The following COL11A1 variants were observed in gnomAD, a reference collection of about 807,000 sequenced individuals.
COL11A1 encodes collagen type XI alpha 1 chain, also known as collagen alpha-1(XI) chain.
In COL11A1, 74 loss-of-function variants were observed where a neutral mutation model predicts 265.2. That is an observed-to-expected ratio of 0.28 (90% CI 0.23 to 0.34). COL11A1 has a LOEUF of 0.34. Among genes scored for constraint, COL11A1 ranks in the 10% least tolerant of loss-of-function variants. COL11A1 has a pLI of 1.00. For synonymous variants in COL11A1, 816 were observed against 727.6 expected, an observed-to-expected ratio of 1.12 and a Z score of -1.96; for missense variants, 2,165 against 2,263.6, an observed-to-expected ratio of 0.96 and a Z score of 0.88.
chr1:102,977,253 G>T (rs1662581275), intron 35 of COL11A1, among the ~76,000 whole-genome samples: 1 of 152,118 alleles, frequency 6.6e-6, no homozygotes, highest in Non-Finnish European at 1.5e-5. Flanking sequence ...GGCAGAAAAT[G>T]AAGGCATACT....
intron 4 of COL11A1, among the ~76,000 whole-genome samples, chr1:103,067,863 T>A (rs1330724499): frequency 6.6e-6 from 1 of 151,242 alleles, no homozygotes; most frequent in Non-Finnish European, 1.5e-5. Flanking sequence ...CTAGAAAAAT[T>A]TCTTGAAAAA....
chr1:103,044,025 T>C (rs995880227), intron 4 of COL11A1, among the ~76,000 whole-genome samples: 2 of 152,124 alleles, frequency 1.3e-5, no homozygotes, highest in African/African-American at 4.8e-5. Flanking sequence ...AGTTTTTGAT[T>C]GCATATACAA....
chr1:102,905,221 T>G (rs1156966354), intron 54 of COL11A1, among the ~76,000 whole-genome samples: 2 of 92,512 alleles, frequency 2.2e-5, no homozygotes, highest in South Asian at 4.5e-4. Flanking sequence ...CAGGGACTGT[T>G]GTGGGGTGGG....
intron 15 of COL11A1, 111 bp from the exon 16 acceptor site, chr1:103,006,426 T>G: frequency 1.7e-6 from 1 of 572,732 alleles, no homozygotes; most frequent in Non-Finnish European, 2.8e-6. Flanking sequence ...GTTACCTTAA[T>G]CATTCAAACA....
intron 44 of COL11A1, 70 bp downstream of exon 44, chr1:102,938,965 A>G (rs1255468520): frequency 7.2e-7 from 1 of 1,389,860 alleles, no homozygotes; most frequent in Non-Finnish European, 1.0e-6. Flanking sequence ...CACTATATAA[A>G]AATATCAATG....
chr1:102,979,468 T>C, intron 31 of COL11A1, 33 bp from the exon 32 acceptor site: 3 of 1,421,940 alleles, frequency 2.1e-6, no homozygotes, highest in African/African-American at 2.8e-5. Context: ...TGAATAAACA[T>C]GGCAATTAAC....
rs151249006 is a variant in COL11A1, at chr1:102,912,188, C to T, written c.4057G>A (p.Ala1353Thr). ...TTTCCAGGAGGACCTGGTGGGCCAG[C>T]CTCACCAGATGGGCCAGGAGGACCC... ...QPGPPGPSGE[A>T]GPPGPPGKRG... is the part of the protein sequence containing the mutation. Residue 1353 changes from alanine (A) to threonine (T), a missense_variant, in exon 54 of 67, where the codon GCT becomes ACT. Transcript: ENST00000370096. 533 of 1,611,524 alleles carry T rather than the reference C, an allele frequency of 3.3e-4. 1 individual carries two copies. In the Middle Eastern group the frequency reaches 3.5e-3, roughly 10 times the overall value.
intron 4 of COL11A1, among the ~76,000 whole-genome samples, chr1:103,073,983 T>C (rs1671777329): frequency 6.6e-6 from 1 of 151,984 alleles, no homozygotes; most frequent in African/African-American, 2.4e-5. Flanking sequence ...CGAGAGTGCA[T>C]CCTTTAATGG....
chr1:103,090,487 TA>T (rs1673234479), intron 1 of COL11A1, among the ~76,000 whole-genome samples: 2 of 152,144 alleles, frequency 1.3e-5, no homozygotes, highest in African/African-American at 2.4e-5. Context: ...AGAAAGAGTC[TA>T]AAAACTGGGA....
intron 4 of COL11A1, among the ~76,000 whole-genome samples, chr1:103,044,900 AATAT>A (rs780614584): frequency 4.7e-4 from 71 of 152,234 alleles, no homozygotes; most frequent in South Asian, 8.3e-4. Flanking sequence ...AAGGATAGCG[AATAT>A]ATGTCAGAAA....
chr1:103,102,432 A>T (rs1674350445), intron 1 of COL11A1, among the ~76,000 whole-genome samples: 1 of 152,146 alleles, frequency 6.6e-6, no homozygotes, highest in South Asian at 2.1e-4. Flanking sequence ...GCTAAGGAAC[A>T]AAACTTGAAT....
chr1:103,076,218 A>G (rs1281626416), intron 3 of COL11A1, among the ~76,000 whole-genome samples: 1 of 152,108 alleles, frequency 6.6e-6, no homozygotes, highest in Non-Finnish European at 1.5e-5. Flanking sequence ...ACACACTCCT[A>G]TAGTCAGAAA....
At chr1:103,056,718 C>T (rs1056164567) in intron 4 of COL11A1, among the ~76,000 whole-genome samples, 4 of 152,102 alleles carry the variant, frequency 2.6e-5, no homozygotes, top group African/African-American at 7.2e-5. Context: ...TTGAAGATAT[C>T]GCATGTTCAG....
At position 103,108,234 on chromosome 1, in the gene COL11A1, C is replaced by T. The variant is rs1263505388; in HGVS notation, c.-56G>A. On this transcript the variant is annotated 5_prime_UTR_variant, in exon 1 of 67. Transcript: ENST00000370096. ...CAACCCACGAAATTGCGACTGCAGA[C>T]CAACTTCGTCCTTTCCAAGGTATCG... 3 of 1,342,192 alleles carry T rather than the reference C, an allele frequency of 2.2e-6. No homozygotes were observed. Among genetic ancestry groups the T allele is most frequent in the African/African-American group, 2.9e-5 (2 of 69,542 alleles). The allele number at this position is 1,342,192 out of a possible 1,614,324, so 83.1% of individuals were successfully genotyped here.
intron 49 of COL11A1, among the ~76,000 whole-genome samples, chr1:102,917,317 A>C (rs1230308055): frequency 6.6e-6 from 1 of 151,988 alleles, no homozygotes. Context: ...CCTATCTCTT[A>C]CCATATACAA....
At chr1:102,884,587 T>C (rs1264652916) in intron 63 of COL11A1, 2 of 152,208 alleles carry the variant, frequency 1.3e-5, no homozygotes, top group African/African-American at 4.8e-5. Flanking sequence ...AACCTTCCTC[T>C]GGGAACACTA....
rs1243185916 is a variant in COL11A1, at chr1:103,101,325, T to C, written c.106+6748A>G. Among the ~76,000 whole-genome samples, 3 of 151,694 alleles carry C rather than the reference T, an allele frequency of 2.0e-5. No individual in the cohort carries two copies. The East Asian group carries it at 5.8e-4, about 29-fold the overall frequency. ...TTTCATTTGCATGCAAAAGGAAGAG[T>C]AACAGTCAGCAGTAGGTTGAGCTCC... On this transcript the variant is annotated intron_variant, in intron 1 of 66. Transcript: ENST00000370096.
intron 4 of COL11A1, among the ~76,000 whole-genome samples, chr1:103,058,428 T>C (rs1394992863): frequency 6.6e-6 from 1 of 152,208 alleles, no homozygotes; most frequent in African/African-American, 2.4e-5. Flanking sequence ...AGAGTAGTAC[T>C]TTTAATTTCT....
Position 102,878,138 on chromosome 1 carries a change from T to A in COL11A1, c.5302A>T (p.Ile1768Phe), listed in dbSNP as rs1182745575. The change falls in exon 67 of 67, where the codon ATT (isoleucine) becomes TTT (phenylalanine). Residue 1768 changes from isoleucine (I) to phenylalanine (F), a missense_variant. By Grantham distance (21) the Ile-to-Phe change is conservative. Coordinates refer to ENST00000370096, the MANE Select transcript of COL11A1 (RefSeq NM_001854.4). ...ASRKGYEKTV[I>F]EINTPKIDQV... ...TCAATTTTTGGTGTATTGATTTCAATGACAGTCTTTTCATAGCCTTTTCTG... is the reference window on the plus strand; with the variant it reads ...TCAATTTTTGGTGTATTGATTTCAAAGACAGTCTTTTCATAGCCTTTTCTG... The A allele has an allele frequency of 1.9e-6, 3 of 1,612,950 alleles. No homozygotes were observed. The highest frequency in any genetic ancestry group is 2.5e-6 in the Non-Finnish European group (3 of 1,179,232).
Sources: allele counts gnomAD v4.1 joint callset (sites outside exome capture counted in the v4.1 genomes callset), GRCh38; gene constraint gnomAD v4.1.1; transcripts MANE v1.5; gene names NCBI Gene and HGNC (gene_info 2026-07-23, HGNC 2026-07-21).